The following PSD3 variants were observed in gnomAD, a reference collection of about 807,000 sequenced individuals.
PSD3 encodes the protein PH and SEC7 domain-containing protein 3.
A neutral mutation model predicts 105.5 loss-of-function variants in PSD3; 49 were observed. The observed-to-expected ratio is 0.46, with a 90% CI of 0.37 to 0.59. The LOEUF is 0.59. PSD3 is among the 20% of genes least tolerant of loss of function. The pLI, the probability that PSD3 is intolerant of heterozygous loss-of-function variation, is 0.00. For synonymous variants in PSD3, 557 were observed against 457.8 expected (o/e 1.22, Z -2.77); for missense variants, 1,561 against 1,263.8 (o/e 1.24, Z -3.57).
chr8:18,629,733 G>A (rs946638379), intron 11 of PSD3, among the ~76,000 whole-genome samples: 3 of 151,880 alleles, frequency 2.0e-5, no homozygotes, highest in African/African-American at 7.3e-5. Flanking sequence ...ACTGCCAAAA[G>A]TACAGTTAAA....
At chr8:18,606,252 T>C (rs1306719157) in intron 11 of PSD3, among the ~76,000 whole-genome samples, 1 of 152,328 alleles carries the variant, frequency 6.6e-6, no homozygotes, top group South Asian at 2.1e-4. Context: ...ATTCACTCTT[T>C]CATATTCTCC....
chr8:18,595,514 C>G (rs1804029149), intron 12 of PSD3, among the ~76,000 whole-genome samples: 1 of 150,244 alleles, frequency 6.7e-6, no homozygotes, highest in Non-Finnish European at 1.5e-5. Flanking sequence ...AAAAAAAACC[C>G]AAGTATAAGC....
chr8:18,911,089 T>G (rs575949077), intron 2 of PSD3, among the ~76,000 whole-genome samples: 3 of 152,040 alleles, frequency 2.0e-5, no homozygotes, highest in Admixed American at 2.0e-4. Context: ...TCCTGGGCAA[T>G]AGAATGAGGC....
intron 1 of PSD3, among the ~76,000 whole-genome samples, chr8:18,961,884 G>A (rs930850620): frequency 7.9e-5 from 12 of 152,050 alleles, no homozygotes; most frequent in Admixed American, 2.0e-4. Context: ...ACTCCCTCCA[G>A]CCCATAAAGG....
In PSD3 at chr8:18,931,121, C is replaced by G. The variant is rs560846845; in HGVS notation, c.130+4913G>C. Reference sequence around the variant, plus strand: ...GAAGTATCTGTTACAATCTTTTGCCCATTTTTTTTTCCCTTAGGGGATTTT... The same window carrying G: ...GAAGTATCTGTTACAATCTTTTGCCGATTTTTTTTTCCCTTAGGGGATTTT... On this transcript the variant is annotated intron_variant, in intron 2 of 15. Transcript: ENST00000327040. Among the ~76,000 whole-genome samples, 4 of 151,256 alleles carry G rather than the reference C, an allele frequency of 2.6e-5. No homozygotes were observed. In the East Asian group the frequency reaches 8.1e-4, roughly 31 times the overall value.
chr8:18,690,770 G>A (rs770006751), intron 9 of PSD3, among the ~76,000 whole-genome samples: 11 of 152,180 alleles, frequency 7.2e-5, no homozygotes, highest in Admixed American at 2.6e-4. Flanking sequence ...TGTCTGGTCC[G>A]TCACCCTTCG....
rs1324307664 is a variant in PSD3, at chr8:18,632,788, T to C, written c.2235A>G (p.Lys745=). 6.3e-7 allele frequency: 1 copy of C among 1,578,820 alleles called. No individual in the cohort carries two copies. The highest frequency in any genetic ancestry group is 8.7e-7 in the Non-Finnish European group (1 of 1,152,158). The stretch of plus-strand genomic sequence containing the variant: ...CCTCAGTACTTTCTGAGGGAGACTT[T>C]TTTTTCTCTTCATCATCTCTAAAAG... ...LEWAVDDEEK[K]KSPSESTEEK... The change falls in exon 11 of 16, where the codon AAA becomes AAG. Residue 745 remains lysine (K), a synonymous_variant. Transcript: ENST00000327040.
chr8:18,882,295 G>T (rs1429233495), intron 2 of PSD3, among the ~76,000 whole-genome samples: 1 of 152,184 alleles, frequency 6.6e-6, no homozygotes, highest in East Asian at 1.9e-4. Flanking sequence ...CTATATGTTA[G>T]TGTCACCCAA....
At chr8:19,033,539 C>CT (rs1003048103) in intron 1 of PSD3, among the ~76,000 whole-genome samples, 50 of 147,474 alleles carry the variant, frequency 3.4e-4, no homozygotes, top group East Asian at 1.8e-3. Context: ...GCTTTGAGCT[C>CT]TTTTTTTTTT....
chr8:18,609,837 T>G (rs1165275151), intron 11 of PSD3, among the ~76,000 whole-genome samples: 1 of 152,230 alleles, frequency 6.6e-6, no homozygotes, highest in East Asian at 1.9e-4. Context: ...TCACAAGATA[T>G]TCTATTACAT....
chr8:19,036,155 T>C (rs117966479), intron 1 of PSD3, among the ~76,000 whole-genome samples: 4,735 of 152,254 alleles, frequency 0.031, 116 homozygotes, highest in Non-Finnish European at 0.049. Flanking sequence ...TTGCCGGCAA[T>C]GCAGAGCTGA....
intron 9 of PSD3, among the ~76,000 whole-genome samples, chr8:18,667,931 A>G (rs1240633579): frequency 6.6e-6 from 1 of 152,202 alleles, no homozygotes; most frequent in Non-Finnish European, 1.5e-5. Flanking sequence ...CCCAGTTACT[A>G]AGCCCCTCAC....
intron 1 of PSD3, among the ~76,000 whole-genome samples, chr8:19,051,203 G>A (rs1828516606): frequency 1.3e-5 from 2 of 152,006 alleles, no homozygotes; most frequent in South Asian, 2.1e-4. Context: ...CCTCCCTCTG[G>A]TCCCAATCGG....
chr8:18,696,287 T>C (rs188006797), intron 9 of PSD3, among the ~76,000 whole-genome samples: 1 of 152,234 alleles, frequency 6.6e-6, no homozygotes, highest in Non-Finnish European at 1.5e-5. Context: ...GGGAATTTCA[T>C]ACAGGCCGGA....
chr8:18,800,836 A>G (rs13276530), intron 7 of PSD3, among the ~76,000 whole-genome samples: 56,278 of 152,048 alleles, frequency 0.37, 11,637 homozygotes, highest in Non-Finnish European at 0.47. Context: ...AGGATACATG[A>G]GCTTTCATCA....
intron 1 of PSD3, among the ~76,000 whole-genome samples, chr8:18,975,343 G>C (rs1228902249): frequency 7.3e-6 from 1 of 137,134 alleles, no homozygotes; most frequent in Admixed American, 7.4e-5. Flanking sequence ...TTGCCAATAT[G>C]TACCATAGGC....
chr8:18,990,109 ATCT>A (rs957965569), intron 1 of PSD3, among the ~76,000 whole-genome samples: 2 of 152,176 alleles, frequency 1.3e-5, no homozygotes, highest in African/African-American at 4.8e-5. Context: ...TGTCCAAGAA[ATCT>A]TCATCTCTCA....
chr8:18,861,241 AC>A (rs1231780759), intron 4 of PSD3, among the ~76,000 whole-genome samples: 1 of 152,140 alleles, frequency 6.6e-6, no homozygotes, highest in Non-Finnish European at 1.5e-5. Flanking sequence ...AGAAGGGACA[AC>A]ACACAGAAGA....
intron 1 of PSD3, among the ~76,000 whole-genome samples, chr8:19,071,961 C>T (rs1338841708): frequency 3.9e-5 from 6 of 152,160 alleles, no homozygotes; most frequent in African/African-American, 9.7e-5. Context: ...CCACTCGCCT[C>T]GGCCTCCCAA....
Sources: gnomAD v4.1 joint callset for allele counts (sites outside exome capture counted in the v4.1 genomes callset) on GRCh38, gnomAD v4.1.1 for gene constraint, MANE v1.5 for transcripts, NCBI Gene and HGNC (gene_info 2026-07-23, HGNC 2026-07-21) for gene names.